FARS2: variants seen among roughly 807,000 people sequenced by gnomAD.
The protein encoded by FARS2 is phenylalanyl-tRNA synthetase 2, mitochondrial, also known as phenylalanine--tRNA ligase, mitochondrial.
A neutral mutation model predicts 46.4 loss-of-function variants in FARS2; 40 were observed. The observed-to-expected ratio is 0.86, with a 90% CI of 0.67 to 1.12. FARS2 has a LOEUF of 1.12. FARS2 is among the 50% of genes most tolerant of loss of function. The pLI is 0.00. For synonymous variants in FARS2, 234 were observed against 214.9 expected (o/e 1.09, Z -0.78); for missense variants, 513 against 567.9 (o/e 0.90, Z 0.98).
chr6:5,611,928 C>G (rs949139437), intron 5 of FARS2, among the ~76,000 whole-genome samples: 6 of 152,186 alleles, frequency 3.9e-5, no homozygotes, highest in Admixed American at 3.3e-4. Context: ...TCTTATCTCC[C>G]TAAATTTCCA....
chr6:5,738,863 C>A (rs1450483756), intron 6 of FARS2, among the ~76,000 whole-genome samples: 2 of 151,528 alleles, frequency 1.3e-5, no homozygotes, highest in Non-Finnish European at 2.9e-5. Flanking sequence ...TTTTCATTTT[C>A]TAGAACGTAA....
the FARS2 span, among the ~76,000 whole-genome samples, chr6:5,252,849 A>G: frequency 1.3e-5 from 2 of 152,178 alleles, no homozygotes; most frequent in Non-Finnish European, 2.9e-5. Flanking sequence ...AGACTCACAC[A>G]TACCTTGACA....
At chr6:5,723,741 G>A (rs995789726) in intron 6 of FARS2, among the ~76,000 whole-genome samples, 1 of 152,218 alleles carries the variant, frequency 6.6e-6, no homozygotes, top group African/African-American at 2.4e-5. Context: ...TTTGCCTGGG[G>A]ATGGTATTTT....
rs2127629366 is a variant in FARS2, at chr6:5,362,632, T to C, written c.-21-5918T>C. On this transcript the variant is annotated intron_variant, in intron 1 of 6. Coordinates refer to ENST00000274680, the MANE Select transcript of FARS2 (RefSeq NM_006567.5). ...GCTGGATCATATGTTAATAGTTCTA[T>C]TTTTAAATTTTTTTGAACCTCCATA... Among the ~76,000 whole-genome samples, 2 of 152,314 alleles carry C rather than the reference T, an allele frequency of 1.3e-5. 1 individual carries two copies. Among genetic ancestry groups the C allele is most frequent in the South Asian group, 4.1e-4 (2 of 4,828 alleles).
chr6:5,762,149 G>A (rs1484941928), intron 6 of FARS2, among the ~76,000 whole-genome samples: 1 of 152,222 alleles, frequency 6.6e-6, no homozygotes, highest in East Asian at 1.9e-4. Flanking sequence ...AGGTCTTTCT[G>A]TGTGGGCTGA....
intron 4 of FARS2, among the ~76,000 whole-genome samples, chr6:5,469,568 G>A (rs77676999): frequency 0.027 from 4,068 of 152,300 alleles, 166 homozygotes; most frequent in African/African-American, 0.093. Flanking sequence ...ATTTAGTTGT[G>A]TAGAATGTTC....
At chr6:5,490,801 A>C (rs1767060458) in intron 4 of FARS2, among the ~76,000 whole-genome samples, 1 of 152,232 alleles carries the variant, frequency 6.6e-6, no homozygotes, top group Non-Finnish European at 1.5e-5. Flanking sequence ...GCCAACAGCC[A>C]GTGAGAAACT....
intron 2 of FARS2, among the ~76,000 whole-genome samples, chr6:5,398,379 T>G (rs2127706924): frequency 6.6e-6 from 1 of 152,330 alleles, no homozygotes; most frequent in East Asian, 1.9e-4. Flanking sequence ...TTGTATGGGT[T>G]ATAACCTATT....
At chr6:5,465,717 T>C (rs1765476205) in intron 4 of FARS2, among the ~76,000 whole-genome samples, 1 of 152,142 alleles carries the variant, frequency 6.6e-6, no homozygotes, top group Non-Finnish European at 1.5e-5. Flanking sequence ...TGATAAGCAC[T>C]AGGAGATATC....
chr6:5,604,500 G>A (rs980461305), intron 5 of FARS2, among the ~76,000 whole-genome samples: 3 of 152,130 alleles, frequency 2.0e-5, no homozygotes, highest in Non-Finnish European at 4.4e-5. Flanking sequence ...GGGAGGAGGT[G>A]GGCTGCCGTG....
chr6:5,594,770 C>T (rs78260329), intron 5 of FARS2, among the ~76,000 whole-genome samples: 1 of 152,180 alleles, frequency 6.6e-6, no homozygotes, highest in East Asian at 1.9e-4. Context: ...TGGGACCCAC[C>T]TCCAAGGACA....
At chr6:5,623,970 T>C (rs1301499280) in intron 6 of FARS2, among the ~76,000 whole-genome samples, 1 of 152,188 alleles carries the variant, frequency 6.6e-6, no homozygotes, top group African/African-American at 2.4e-5. Context: ...GAGAGAGCCA[T>C]GGGTACAGGG....
intron 6 of FARS2, among the ~76,000 whole-genome samples, chr6:5,618,966 A>G (rs540620391): frequency 2.7e-4 from 41 of 152,336 alleles, no homozygotes; most frequent in African/African-American, 9.6e-4. Context: ...ATATGAATAC[A>G]TTGATCATCT....
At chr6:5,539,384 G>GTGTGTATGTGTGTATATA in intron 4 of FARS2, among the ~76,000 whole-genome samples, 1 of 79,582 alleles carries the variant, frequency 1.3e-5, no homozygotes, top group African/African-American at 4.6e-5. Context: ...TTTTTTTTGT[G>GTGTGTATGTGTGTATATA]TATATATATA....
chr6:5,717,387 G>GTGTGTGTGTGTCTA, intron 6 of FARS2, among the ~76,000 whole-genome samples: 1 of 150,884 alleles, frequency 6.6e-6, no homozygotes, highest in East Asian at 1.9e-4. Flanking sequence ...GTGTGTGTGT[G>GTGTGTGTGTGTCTA]TGTCTATGTA....
At chr6:5,409,312 G>C (rs1199624304) in intron 3 of FARS2, among the ~76,000 whole-genome samples, 1 of 152,096 alleles carries the variant, frequency 6.6e-6, no homozygotes, top group South Asian at 2.1e-4. Flanking sequence ...TTAGCTGGGC[G>C]TGGTGGCACA....
intron 6 of FARS2, among the ~76,000 whole-genome samples, chr6:5,698,966 G>A (rs1312899153): frequency 1.3e-5 from 2 of 152,192 alleles, no homozygotes; most frequent in Non-Finnish European, 2.9e-5. Context: ...AACTGCTAAG[G>A]GGCGGGCACA....
chr6:5,652,084 C>G (rs1170456813), intron 6 of FARS2, among the ~76,000 whole-genome samples: 1 of 152,150 alleles, frequency 6.6e-6, no homozygotes, highest in African/African-American at 2.4e-5. Context: ...ATGCCCACAT[C>G]AGGAAGATCC....
intron 1 of FARS2, among the ~76,000 whole-genome samples, chr6:5,271,579 T>TC (rs1765951937): frequency 1.3e-5 from 2 of 149,372 alleles, no homozygotes; most frequent in Non-Finnish European, 3.0e-5. Context: ...TTTTTTTTTT[T>TC]TGAGGCGGAG....
Sources: allele counts gnomAD v4.1 joint callset (sites outside exome capture counted in the v4.1 genomes callset), GRCh38; gene constraint gnomAD v4.1.1; transcripts MANE v1.5; gene names NCBI Gene and HGNC (gene_info 2026-07-23, HGNC 2026-07-21).